Variants in ERBB4 observed in about 807,000 individuals in gnomAD.
The protein encoded by ERBB4 is erb-b2 receptor tyrosine kinase 4.
ERBB4 carries 42 observed loss-of-function variants against 158.0 expected under a neutral mutation model. That is an observed-to-expected ratio of 0.27 (90% CI 0.21 to 0.34). The LOEUF is 0.34. Ranked by LOEUF, ERBB4 falls within the 10% of genes least tolerant of loss-of-function variation. The pLI, the probability that ERBB4 is intolerant of heterozygous loss-of-function variation, is 1.00. For synonymous variants in ERBB4, 583 were observed against 558.7 expected (o/e 1.04, Z -0.61); for missense variants, 1,333 against 1,624.1 (o/e 0.82, Z 3.08).
intron 19 of ERBB4, among the ~76,000 whole-genome samples, chr2:211,584,794 T>G (rs1315952988): frequency 6.6e-6 from 1 of 151,862 alleles, no homozygotes; most frequent in African/African-American, 2.4e-5. Flanking sequence ...GTATATTTTA[T>G]GCATCTATGT....
At chr2:212,077,353 A>C (rs1158878343) in intron 2 of ERBB4, among the ~76,000 whole-genome samples, 1 of 152,018 alleles carries the variant, frequency 6.6e-6, no homozygotes, top group East Asian at 1.9e-4. Context: ...GTCATGTTAG[A>C]CAAAATCTGA....
intron 1 of ERBB4, among the ~76,000 whole-genome samples, chr2:212,509,056 C>T (rs1343608664): frequency 6.6e-6 from 1 of 151,952 alleles, no homozygotes; most frequent in East Asian, 1.9e-4. Flanking sequence ...ATTTTAGTTC[C>T]TTCTTCTTAA....
chr2:211,773,631 T>TATATATATATATA (rs2075786518), intron 4 of ERBB4, among the ~76,000 whole-genome samples: 10 of 91,224 alleles, frequency 1.1e-4, no homozygotes, highest in Non-Finnish European at 1.6e-4. Context: ...TATATATATA[T>TATATATATATATA]ATATATATAT....
At position 211,704,117 on chromosome 2, in the gene ERBB4, T is replaced by C; in HGVS notation, c.1276A>G (p.Arg426Gly). Reference protein sequence around the residue: ...VFSNLVTIGGRVLYSGLSLLI... With the variant: ...VFSNLVTIGGGVLYSGLSLLI... ...ATATCCACTTACCTATAGAGTACTC[T>C]TCCACCAATGGTCACCAGGTTAGAA... Residue 426 changes from arginine (R) to glycine (G), a missense_variant, in exon 11 of 28, where the codon AGA (arginine) becomes GGA (glycine). Coordinates refer to ENST00000342788, the MANE Select transcript of ERBB4 (RefSeq NM_005235.3). 6.3e-7 allele frequency: 1 copy of C among 1,598,916 alleles called. No homozygotes were observed. The highest frequency in any genetic ancestry group is 8.6e-7 in the Non-Finnish European group (1 of 1,166,240).
intron 4 of ERBB4, 64 bp from the exon 5 acceptor site, chr2:211,750,768 TAACTCCTCAAAG>T: frequency 1.5e-6 from 2 of 1,365,756 alleles, no homozygotes; most frequent in South Asian, 1.2e-5. Flanking sequence ...TGACTAGGAG[TAACTCCTCAAAG>T]GAAATACTCC....
At chr2:211,893,159 A>G (rs1408698974) in intron 3 of ERBB4, among the ~76,000 whole-genome samples, 4 of 145,724 alleles carry the variant, frequency 2.7e-5, no homozygotes, top group Non-Finnish European at 4.5e-5. Context: ...ACTTCAAACT[A>G]TACTACAAGG....
chr2:212,188,572 T>C (rs932792835), intron 1 of ERBB4, among the ~76,000 whole-genome samples: 5 of 151,930 alleles, frequency 3.3e-5, no homozygotes, highest in Admixed American at 2.6e-4. Flanking sequence ...ACTTGGCCTT[T>C]AATGCAAAGA....
intron 20 of ERBB4, among the ~76,000 whole-genome samples, chr2:211,482,437 A>T (rs1318520087): frequency 6.6e-6 from 1 of 152,200 alleles, no homozygotes; most frequent in Non-Finnish European, 1.5e-5. Context: ...TTTAAAAGCA[A>T]GACCTGAAAG....
At chr2:211,688,872 G>A (rs935628514) in intron 12 of ERBB4, among the ~76,000 whole-genome samples, 8 of 150,760 alleles carry the variant, frequency 5.3e-5, no homozygotes, top group Admixed American at 4.0e-4. Context: ...TGTGTAGATA[G>A]GATTGACCCT....
Position 211,424,320 on chromosome 2 carries a change from T to G in ERBB4, c.2720-19A>C. The G allele has an allele frequency of 6.2e-7, 1 of 1,601,226 alleles. No homozygotes were observed. The highest frequency in any genetic ancestry group is 8.6e-7 in the Non-Finnish European group (1 of 1,169,192). On this transcript the variant is annotated intron_variant, in intron 22 of 27. Coordinates refer to ENST00000342788, the MANE Select transcript of ERBB4 (RefSeq NM_005235.3). The stretch of plus-strand genomic sequence containing the variant: ...GTAACTCCTATATTGGAGAAAAAAT[T>G]CTTACTTAAGCATATTAACAACATA...
chr2:212,193,965 T>C (rs979712198), intron 1 of ERBB4, among the ~76,000 whole-genome samples: 5 of 152,054 alleles, frequency 3.3e-5, no homozygotes, highest in African/African-American at 7.2e-5. Context: ...GTTTTGACTA[T>C]GGCACAAATG....
intron 20 of ERBB4, among the ~76,000 whole-genome samples, chr2:211,498,736 A>G (rs1334919757): frequency 6.6e-6 from 1 of 152,172 alleles, no homozygotes; most frequent in African/African-American, 2.4e-5. Context: ...TCATTCAGTC[A>G]TATTACCATT....
intron 24 of ERBB4, 120 bp downstream of exon 24, chr2:211,421,887 T>C (rs2063521911): frequency 4.1e-6 from 3 of 723,466 alleles, no homozygotes; most frequent in Admixed American, 3.9e-5. Flanking sequence ...ACATGATAAT[T>C]CTGCTTAATT....
intron 2 of ERBB4, among the ~76,000 whole-genome samples, chr2:211,959,959 A>G (rs185597567): frequency 1.6e-4 from 24 of 152,042 alleles, no homozygotes; most frequent in Non-Finnish European, 2.8e-4. Context: ...TGAAGACCAT[A>G]ATGGGGGTAT....
chr2:212,099,416 T>C (rs939080379), intron 2 of ERBB4, among the ~76,000 whole-genome samples: 2 of 152,120 alleles, frequency 1.3e-5, no homozygotes, highest in African/African-American at 4.8e-5. Flanking sequence ...GATTTTCTCT[T>C]AAATAGTAAA....
chr2:211,673,031 T>C (rs1053232431), intron 14 of ERBB4, 133 bp downstream of exon 14: 103 of 748,850 alleles, frequency 1.4e-4, no homozygotes, highest in Non-Finnish European at 2.3e-4. Flanking sequence ...AAGCCTCTTG[T>C]AGGCAGATAA....
At chr2:211,744,546 T>C (rs940404952) in intron 5 of ERBB4, among the ~76,000 whole-genome samples, 1 of 152,242 alleles carries the variant, frequency 6.6e-6, no homozygotes, top group Non-Finnish European at 1.5e-5. Context: ...TTTCTCTGTA[T>C]CTCTATTCAG....
At chr2:212,187,203 T>C (rs2082039828) in intron 1 of ERBB4, among the ~76,000 whole-genome samples, 1 of 152,000 alleles carries the variant, frequency 6.6e-6, no homozygotes, top group Non-Finnish European at 1.5e-5. Flanking sequence ...CTATAATACA[T>C]AAAACATTTG....
chr2:212,166,922 A>C (rs1251242030), intron 1 of ERBB4, among the ~76,000 whole-genome samples: 1 of 152,170 alleles, frequency 6.6e-6, no homozygotes, highest in African/African-American at 2.4e-5. Flanking sequence ...TCTTCCTTAC[A>C]CCTTATACAA....
Sources: allele counts gnomAD v4.1 joint callset (sites outside exome capture counted in the v4.1 genomes callset), GRCh38; gene constraint gnomAD v4.1.1; transcripts MANE v1.5; gene names NCBI Gene and HGNC (gene_info 2026-07-23, HGNC 2026-07-21).